RFX3: variants seen among roughly 807,000 people sequenced by gnomAD.
RFX3 encodes the protein regulatory factor X3, also known as transcription factor RFX3.
In RFX3, 14 loss-of-function variants were observed where a neutral mutation model predicts 98.6. The ratio of observed to expected loss-of-function variants is 0.14; its 90% CI spans 0.09 to 0.22. The LOEUF (loss-of-function observed/expected upper bound fraction) is 0.22, where lower values mean the gene tolerates loss of function less well. RFX3 is among the 10% of genes least tolerant of loss of function. The pLI, the probability that RFX3 is intolerant of heterozygous loss-of-function variation, is 1.00. For missense variants in RFX3, 639 were observed against 926.9 expected (o/e 0.69, Z 4.03); for synonymous variants, 383 against 328.4 (o/e 1.17, Z -1.80).
chr9:3,418,494 C>T (rs1843167960), intron 1 of RFX3, among the ~76,000 whole-genome samples: 1 of 152,052 alleles, frequency 6.6e-6, no homozygotes, highest in South Asian at 2.1e-4. Flanking sequence ...ATTCTCCTAC[C>T]TCAGCCTCCC....
chr9:3,415,470 ACAAGACCCAC>A (rs1564071132), intron 1 of RFX3, among the ~76,000 whole-genome samples: 1 of 152,054 alleles, frequency 6.6e-6, no homozygotes, highest in African/African-American at 2.4e-5. Context: ...AATAAAACTA[ACAAGACCCAC>A]ATCCACTATA....
At chr9:3,501,684 G>A (rs142092173) in intron 1 of RFX3, among the ~76,000 whole-genome samples, 2 of 150,906 alleles carry the variant, frequency 1.3e-5, no homozygotes, top group African/African-American at 4.9e-5. Flanking sequence ...AGCCTCCAGA[G>A]TAGCTGGGAT....
At chr9:3,373,002 T>C (rs1439187289) in intron 2 of RFX3, among the ~76,000 whole-genome samples, 2 of 152,206 alleles carry the variant, frequency 1.3e-5, no homozygotes, top group South Asian at 4.1e-4. Context: ...TTCATTGTTA[T>C]AATACAAAAC....
intron 1 of RFX3, among the ~76,000 whole-genome samples, chr9:3,519,820 T>C (rs185896419): frequency 6.6e-6 from 1 of 152,126 alleles, no homozygotes; most frequent in African/African-American, 2.4e-5. Context: ...AAGAACACTC[T>C]GCATTTGATA....
intron 1 of RFX3, among the ~76,000 whole-genome samples, chr9:3,399,156 C>T (rs563038067): frequency 2.6e-5 from 4 of 151,756 alleles, no homozygotes; most frequent in African/African-American, 9.7e-5. Context: ...ATTTCCAGGC[C>T]GGGCACAGTG....
At chr9:3,412,783 G>T (rs1234815443) in intron 1 of RFX3, among the ~76,000 whole-genome samples, 1 of 152,058 alleles carries the variant, frequency 6.6e-6, no homozygotes, top group Non-Finnish European at 1.5e-5. Context: ...GAAAAAAACT[G>T]CAAATTTCTT....
chr9:3,245,234 T>C (rs77522601), intron 15 of RFX3, among the ~76,000 whole-genome samples: 1,824 of 152,306 alleles, frequency 0.012, 28 homozygotes, highest in African/African-American at 0.042. Context: ...AACTGATTTT[T>C]ACAACATGAA....
At chr9:3,335,475 T>C (rs901296308) in intron 3 of RFX3, among the ~76,000 whole-genome samples, 5 of 152,170 alleles carry the variant, frequency 3.3e-5, no homozygotes, top group Non-Finnish European at 7.4e-5. Flanking sequence ...TCCAGAAATT[T>C]CCTAAACATA....
chr9:3,331,814 C>G (rs1563939436), intron 3 of RFX3, among the ~76,000 whole-genome samples: 6 of 152,128 alleles, frequency 3.9e-5, no homozygotes, highest in Non-Finnish European at 1.5e-5. Flanking sequence ...AGTAAACAAT[C>G]TTACATAAGT....
chr9:3,327,586 A>T (rs1832067157), intron 4 of RFX3, among the ~76,000 whole-genome samples: 1 of 151,996 alleles, frequency 6.6e-6, no homozygotes, highest in African/African-American at 2.4e-5. Flanking sequence ...TCCTTTTGTT[A>T]AAAAGGAAAA....
chr9:3,524,680 G>T (rs375325403), intron 1 of RFX3: 2 of 936,278 alleles, frequency 2.1e-6, no homozygotes, highest in Non-Finnish European at 1.3e-6. Context: ...AATGAAAATT[G>T]TTAACACTCT....
At chr9:3,381,832 G>A (rs1295339394) in intron 2 of RFX3, among the ~76,000 whole-genome samples, 1 of 152,146 alleles carries the variant, frequency 6.6e-6, no homozygotes, top group Non-Finnish European at 1.5e-5. Flanking sequence ...CCCTTGGTTA[G>A]CTAAGCGGAT....
chr9:3,366,682 C>CT (rs1554681184), intron 2 of RFX3, among the ~76,000 whole-genome samples: 819 of 69,678 alleles, frequency 0.012, 46 homozygotes, highest in African/African-American at 0.043. Context: ...CTCTTTCTTT[C>CT]TTCTTTCTTT....
intron 1 of RFX3, among the ~76,000 whole-genome samples, chr9:3,468,531 G>A (rs1016402615): frequency 2.6e-5 from 4 of 152,090 alleles, no homozygotes; most frequent in Admixed American, 6.6e-5. Context: ...CTTTTGCCAC[G>A]CAAATATGTG....
chr9:3,461,292 C>T (rs1444320454), intron 1 of RFX3, among the ~76,000 whole-genome samples: 1 of 151,918 alleles, frequency 6.6e-6, no homozygotes. Context: ...TTTAATCCAA[C>T]TTCCCAATCA....
intron 6 of RFX3, among the ~76,000 whole-genome samples, chr9:3,292,600 T>C (rs1810214854): frequency 6.6e-6 from 1 of 152,210 alleles, no homozygotes; most frequent in South Asian, 2.1e-4. Context: ...AAAACTGCTT[T>C]AGTTTCTTAC....
intron 1 of RFX3, among the ~76,000 whole-genome samples, chr9:3,460,751 A>G (rs974469117): frequency 1.3e-5 from 2 of 151,764 alleles, no homozygotes; most frequent in African/African-American, 4.8e-5. Flanking sequence ...CATGCCCACT[A>G]TCAAAAGAAA....
At chr9:3,251,701 A>C (rs75020366) in intron 14 of RFX3, among the ~76,000 whole-genome samples, 121 of 152,190 alleles carry the variant, frequency 8.0e-4, no homozygotes, top group African/African-American at 2.7e-3. Flanking sequence ...ATTTTAAAAG[A>C]TGTCATTCAT....
At chr9:3,338,156 C>G (rs2920380) in intron 3 of RFX3, among the ~76,000 whole-genome samples, 2 of 151,952 alleles carry the variant, frequency 1.3e-5, no homozygotes, top group Non-Finnish European at 2.9e-5. Context: ...CCTCCCCTTA[C>G]TACATAAGAA....
Sources: allele counts gnomAD v4.1 joint callset (sites outside exome capture counted in the v4.1 genomes callset), GRCh38; gene constraint gnomAD v4.1.1; transcripts MANE v1.5; gene names NCBI Gene and HGNC (gene_info 2026-07-23, HGNC 2026-07-21).